Variants in SLC35D4 observed in about 807,000 individuals in gnomAD.
SLC35D4 encodes solute carrier family 35 member D4, also known as UDP-N-acetylglucosamine transporter SLC35D4.
the SLC35D4 span, among the ~76,000 whole-genome samples, chr18:23,247,412 A>C: frequency 7.2e-5 from 11 of 152,354 alleles, no homozygotes; most frequent in African/African-American, 2.4e-4. Context: ...GGTGCAGAGC[A>C]GTGGCCTCAA....
chr18:23,255,651 C>G, the SLC35D4 span, among the ~76,000 whole-genome samples: 1 of 151,834 alleles, frequency 6.6e-6, no homozygotes, highest in Admixed American at 6.6e-5. Flanking sequence ...CCTCCACCTC[C>G]CAGACTCAAG....
At chr18:23,307,433 T>C in the SLC35D4 span, among the ~76,000 whole-genome samples, 1 of 152,232 alleles carries the variant, frequency 6.6e-6, no homozygotes, top group Non-Finnish European at 1.5e-5. Context: ...ATAGTAGTAA[T>C]CAGAATAGAT....
the SLC35D4 span, among the ~76,000 whole-genome samples, chr18:23,240,031 T>C: frequency 6.6e-6 from 1 of 152,236 alleles, no homozygotes; most frequent in African/African-American, 2.4e-5. Flanking sequence ...GGTGGGAGAA[T>C]TGCTTGAACC....
At chr18:23,254,158 T>A in the SLC35D4 span, among the ~76,000 whole-genome samples, 1 of 152,230 alleles carries the variant, frequency 6.6e-6, no homozygotes. Context: ...GCATTGGGTC[T>A]GGCCCTCAAA....
At chr18:23,271,800 T>C in the SLC35D4 span, among the ~76,000 whole-genome samples, 1 of 152,166 alleles carries the variant, frequency 6.6e-6, no homozygotes, top group African/African-American at 2.4e-5. Flanking sequence ...CAATCATGCC[T>C]ACATAATGAC....
the SLC35D4 span, among the ~76,000 whole-genome samples, chr18:23,388,110 A>G: frequency 8.5e-4 from 129 of 152,322 alleles, no homozygotes; most frequent in African/African-American, 3.1e-3. Flanking sequence ...CTCCTTGGCT[A>G]TAAAATCAGT....
At chr18:23,430,978 AC>A in the SLC35D4 span, among the ~76,000 whole-genome samples, 6 of 151,868 alleles carry the variant, frequency 4.0e-5, no homozygotes, top group South Asian at 1.2e-3. Flanking sequence ...ATATGGTGAA[AC>A]CCCGTCTCTA....
chr18:23,377,627 G>T, the SLC35D4 span: 5 of 1,572,314 alleles, frequency 3.2e-6, no homozygotes, highest in Non-Finnish European at 4.3e-6. Context: ...GCTTTTTGGG[G>T]GGAGGGCAGT....
At chr18:23,414,295 GAGGA>G in the SLC35D4 span, among the ~76,000 whole-genome samples, 2,389 of 124,124 alleles carry the variant, frequency 0.019, 66 homozygotes, top group African/African-American at 0.058. Context: ...AAAAGGAAAG[GAGGA>G]AGGAAGGAAG....
the SLC35D4 span, among the ~76,000 whole-genome samples, chr18:23,380,293 C>T: frequency 6.6e-6 from 1 of 152,084 alleles, no homozygotes; most frequent in East Asian, 1.9e-4. Context: ...GCACTTGAGG[C>T]ACTGAGGAAT....
At chr18:23,248,545 A>G in the SLC35D4 span, among the ~76,000 whole-genome samples, 1 of 109,730 alleles carries the variant, frequency 9.1e-6, no homozygotes, top group Non-Finnish European at 2.0e-5. Flanking sequence ...TTTTAAAAAA[A>G]GGCTGGACGT....
chr18:23,431,361 A>T, the SLC35D4 span, among the ~76,000 whole-genome samples: 1 of 152,070 alleles, frequency 6.6e-6, no homozygotes, highest in African/African-American at 2.4e-5. Context: ...GAAATGTCAC[A>T]TTGTAACTGT....
chr18:23,360,527 G>C, the SLC35D4 span, among the ~76,000 whole-genome samples: 1 of 152,154 alleles, frequency 6.6e-6, no homozygotes, highest in African/African-American at 2.4e-5. Context: ...GACACAAAAA[G>C]TACTGATGAT....
chr18:23,379,856 G>A, the SLC35D4 span, among the ~76,000 whole-genome samples: 1 of 152,056 alleles, frequency 6.6e-6, no homozygotes, highest in Non-Finnish European at 1.5e-5. Flanking sequence ...AGCACTTGGG[G>A]AGGCCGAGGA....
At chr18:23,264,352 C>A in the SLC35D4 span, among the ~76,000 whole-genome samples, 1 of 118,754 alleles carries the variant, frequency 8.4e-6, no homozygotes, top group South Asian at 2.9e-4. Context: ...ACACTTTATT[C>A]CTTTTTTTTT....
At chr18:23,353,076 A>AGTGTGT in the SLC35D4 span, among the ~76,000 whole-genome samples, 3,744 of 126,522 alleles carry the variant, frequency 0.03, 174 homozygotes, top group African/African-American at 0.069. Context: ...TGAGACAGAC[A>AGTGTGT]GTGTGTGTGT....
chr18:23,430,991 T>C, the SLC35D4 span, among the ~76,000 whole-genome samples: 4 of 151,436 alleles, frequency 2.6e-5, no homozygotes, highest in African/African-American at 7.3e-5. Flanking sequence ...CCGTCTCTAT[T>C]AAAAATACAA....
At chr18:23,320,342 G>C in the SLC35D4 span, among the ~76,000 whole-genome samples, 3 of 152,078 alleles carry the variant, frequency 2.0e-5, no homozygotes, top group African/African-American at 7.2e-5. Context: ...TTCTGTAATA[G>C]CTATTTGATT....
At chr18:23,357,784 G>A in the SLC35D4 span, among the ~76,000 whole-genome samples, 4 of 152,300 alleles carry the variant, frequency 2.6e-5, no homozygotes, top group South Asian at 2.1e-4. Flanking sequence ...TTTCTTTGGA[G>A]GGCTTTTTAA....
Sources: allele counts gnomAD v4.1 joint callset (sites outside exome capture counted in the v4.1 genomes callset), GRCh38; gene constraint gnomAD v4.1.1; transcripts MANE v1.5; gene names NCBI Gene and HGNC (gene_info 2026-07-23, HGNC 2026-07-21).